IL1RAP: variants seen among roughly 807,000 people sequenced by gnomAD.
The protein encoded by IL1RAP is interleukin 1 receptor accessory protein.
In IL1RAP, 35 loss-of-function variants were observed where a neutral mutation model predicts 60.7. That is an observed-to-expected ratio of 0.58 (90% CI 0.44 to 0.76). IL1RAP has a LOEUF of 0.76. Among genes scored for constraint, IL1RAP ranks in the 30% least tolerant of loss-of-function variants. The pLI is 0.00. For synonymous variants in IL1RAP, 268 were observed against 250.9 expected (o/e 1.07, Z -0.64); for missense variants, 572 against 693.9 (o/e 0.82, Z 1.97).
chr3:190,630,353 G>T, intron 9 of IL1RAP: 1 of 245,686 alleles, frequency 4.1e-6, no homozygotes, highest in African/African-American at 2.3e-5. Context: ...TCCCTTCAAG[G>T]ATGTTTTCAA....
At chr3:190,604,047 C>A in intron 3 of IL1RAP, 81 bp from the exon 4 acceptor site, 1 of 1,382,610 alleles carries the variant, frequency 7.2e-7, no homozygotes, top group Non-Finnish European at 9.9e-7. Flanking sequence ...ACCGGGTGAA[C>A]TGAGGAGAAG....
At chr3:190,531,638 T>A (rs1577517328) in intron 1 of IL1RAP, among the ~76,000 whole-genome samples, 1 of 152,212 alleles carries the variant, frequency 6.6e-6, no homozygotes, top group East Asian at 1.9e-4. Flanking sequence ...TACTCACTTG[T>A]CTTGACTTAT....
intron 4 of IL1RAP, among the ~76,000 whole-genome samples, chr3:190,606,061 T>C (rs1315342240): frequency 6.6e-6 from 1 of 152,102 alleles, no homozygotes; most frequent in Non-Finnish European, 1.5e-5. Context: ...AGAAAAGCCT[T>C]TGGATCACTG....
At chr3:190,615,673 G>C (rs16865696) in intron 5 of IL1RAP, among the ~76,000 whole-genome samples, 103,908 of 151,994 alleles carry the variant, frequency 0.68, 36,020 homozygotes, top group East Asian at 0.83. Flanking sequence ...TTTCCTTGTA[G>C]CCACAGTGAT....
intron 5 of IL1RAP, among the ~76,000 whole-genome samples, chr3:190,618,348 A>G (rs1480869866): frequency 1.3e-5 from 2 of 152,264 alleles, no homozygotes; most frequent in Admixed American, 1.3e-4. Context: ...GAGACAGAGT[A>G]TATGTTAAGT....
chr3:190,612,932 A>G (rs1423042996), intron 5 of IL1RAP, among the ~76,000 whole-genome samples: 2 of 152,242 alleles, frequency 1.3e-5, no homozygotes, highest in Middle Eastern at 3.4e-3. Context: ...CTGAAGATTA[A>G]CTGTGATCAG....
intron 5 of IL1RAP, among the ~76,000 whole-genome samples, chr3:190,610,384 C>T (rs1360412319): frequency 2.0e-5 from 3 of 151,650 alleles, no homozygotes; most frequent in Non-Finnish European, 4.4e-5. Context: ...TATTATATAA[C>T]TCCATACAAA....
intron 3 of IL1RAP, among the ~76,000 whole-genome samples, chr3:190,565,663 A>G (rs1577606817): frequency 6.6e-6 from 1 of 152,128 alleles, no homozygotes; most frequent in East Asian, 1.9e-4. Flanking sequence ...TTCGGCTGGG[A>G]TGCGCTAGGA....
At position 190,623,212 on chromosome 3, in the gene IL1RAP, TGGACTATA is replaced by T. The variant is rs1731934029; in HGVS notation, c.704-129_704-122del. ...TGAAGTGCAGTAATTGAGTATATCT[TGGACTATA>T]GGCCTTCTCTAAAACAACTGACAAA... On this transcript the variant is annotated intron_variant, in intron 6 of 11. Coordinates refer to ENST00000447382, the MANE Select transcript of IL1RAP (RefSeq NM_002182.4). 4.4e-6 allele frequency: 3 copies of T among 679,190 alleles called. No homozygotes were observed. In the Admixed American group the frequency reaches 6.8e-5, roughly 15 times the overall value. The allele number at this position is 679,190 out of a possible 1,614,324, so 42.1% of individuals were successfully genotyped here.
chr3:190,631,824 C>CTCT (rs1732812498), intron 9 of IL1RAP, among the ~76,000 whole-genome samples: 1 of 152,058 alleles, frequency 6.6e-6, no homozygotes, highest in Non-Finnish European at 1.5e-5. Flanking sequence ...TTTTGAGACA[C>CTCT]AGTTTTACTC....
In IL1RAP at chr3:190,648,751, G is replaced by T; in HGVS notation, c.*46G>T. 6 of 1,553,156 alleles carry T rather than the reference G, an allele frequency of 3.9e-6. No individual in the cohort carries two copies. The highest frequency in any genetic ancestry group is 5.2e-6 in the Non-Finnish European group (6 of 1,153,428). On this transcript the variant is annotated 3_prime_UTR_variant, in exon 12 of 12. Coordinates refer to ENST00000447382, the MANE Select transcript of IL1RAP (RefSeq NM_002182.4). Reference sequence around the variant, plus strand: ...AAAAGAACAAGGGGTGCTCCAGGAAGAAAGAGTCCCCCCAGTCTTCATTCG... The same window carrying T: ...AAAAGAACAAGGGGTGCTCCAGGAATAAAGAGTCCCCCCAGTCTTCATTCG...
chr3:190,635,307 C>A (rs907305235), intron 9 of IL1RAP, among the ~76,000 whole-genome samples: 13 of 151,936 alleles, frequency 8.6e-5, no homozygotes, highest in African/African-American at 3.1e-4. Context: ...CTAATTTTTT[C>A]AATGAACATA....
chr3:190,538,406 C>G (rs985458274), intron 1 of IL1RAP, among the ~76,000 whole-genome samples: 2 of 152,142 alleles, frequency 1.3e-5, no homozygotes, highest in African/African-American at 4.8e-5. Context: ...CACTTGGTTG[C>G]TTTTGTGTGA....
At chr3:190,625,199 G>T (rs1237632985) in intron 7 of IL1RAP, 1 of 152,220 alleles carries the variant, frequency 6.6e-6, no homozygotes, top group Non-Finnish European at 1.5e-5. Context: ...GGTGCATTTT[G>T]TGCATCCTTC....
At chr3:190,628,736 A>G (rs2361837) in intron 8 of IL1RAP, among the ~76,000 whole-genome samples, 136,964 of 152,258 alleles carry the variant, frequency 0.9, 61,815 homozygotes, top group East Asian at 1. Flanking sequence ...AGCTGTGTTC[A>G]GAATCCATGC....
At chr3:190,542,540 A>G (rs1010001767) in intron 1 of IL1RAP, among the ~76,000 whole-genome samples, 4 of 152,156 alleles carry the variant, frequency 2.6e-5, no homozygotes, top group African/African-American at 9.7e-5. Context: ...AAATTTGGAA[A>G]ATACTTGTTG....
Position 190,645,859 on chromosome 3 carries a change from A to G in IL1RAP, c.1345+17A>G, listed in dbSNP as rs1212024558. 1.2e-6 allele frequency: 2 copies of G among 1,602,176 alleles called. No homozygotes were observed. ...CTGGGGGAAGTAGGTATTTCAGAGG[A>G]GTACAAATGATGCTACCTTGAAAGG... On this transcript the variant is annotated intron_variant, in intron 11 of 11. Coordinates refer to ENST00000447382, the MANE Select transcript of IL1RAP (RefSeq NM_002182.4).
chr3:190,651,926 A>G (rs1247648885), downstream of IL1RAP, among the ~76,000 whole-genome samples: 1 of 152,190 alleles, frequency 6.6e-6, no homozygotes, highest in Non-Finnish European at 1.5e-5. Flanking sequence ...TTTTTACTCA[A>G]CTTGGAACTT....
chr3:190,571,620 G>A (rs938601394), intron 3 of IL1RAP, among the ~76,000 whole-genome samples: 2 of 151,996 alleles, frequency 1.3e-5, no homozygotes, highest in Non-Finnish European at 1.5e-5. Context: ...ATGACATTTC[G>A]AAGTATTTAT....
Sources: gnomAD v4.1 joint callset for allele counts (sites outside exome capture counted in the v4.1 genomes callset) on GRCh38, gnomAD v4.1.1 for gene constraint, MANE v1.5 for transcripts, NCBI Gene and HGNC (gene_info 2026-07-23, HGNC 2026-07-21) for gene names.